Variants in AFAP1L2 observed in about 807,000 individuals in gnomAD.
The protein encoded by AFAP1L2 is actin filament associated protein 1 like 2, also known as actin filament-associated protein 1-like 2.
A neutral mutation model predicts 99.3 loss-of-function variants in AFAP1L2; 46 were observed. That is an observed-to-expected ratio of 0.46 (90% CI 0.37 to 0.59). The LOEUF (loss-of-function observed/expected upper bound fraction) is 0.59, where lower values mean the gene tolerates loss of function less well. Ranked by LOEUF, AFAP1L2 falls within the 20% of genes least tolerant of loss-of-function variation. The pLI, the probability that AFAP1L2 is intolerant of heterozygous loss-of-function variation, is 0.00. For missense variants in AFAP1L2, 959 were observed against 1,034.9 expected (o/e 0.93, Z 1.01); for synonymous variants, 397 against 419.1 (o/e 0.95, Z 0.64).
intron 1 of AFAP1L2, among the ~76,000 whole-genome samples, chr10:114,364,534 GTC>G (rs768924730): frequency 5.9e-5 from 9 of 152,126 alleles, no homozygotes; most frequent in Non-Finnish European, 1.2e-4. Context: ...CTCCCTGTAT[GTC>G]TCTGTGTCCA....
intron 6 of AFAP1L2, 90 bp downstream of exon 6, chr10:114,315,470 G>T: frequency 7.2e-7 from 1 of 1,380,340 alleles, no homozygotes; most frequent in Non-Finnish European, 1.0e-6. Context: ...AAACCTCTGA[G>T]GTCAGGGACC....
chr10:114,325,835 C>T, intron 4 of AFAP1L2: 1 of 1,246,316 alleles, frequency 8.0e-7, no homozygotes, highest in Non-Finnish European at 1.0e-6. Context: ...GCCTGTGGTC[C>T]ACTAACAACA....
In AFAP1L2 at chr10:114,295,933, G is replaced by C; in HGVS notation, c.*109C>G. On this transcript the variant is annotated 3_prime_UTR_variant, in exon 19 of 19. Coordinates refer to ENST00000304129, the MANE Select transcript of AFAP1L2 (RefSeq NM_001001936.3). ...CTCCATTCACAGTACCTCAGTCTTT[G>C]CTTTTTCTTCTAAACAGACTCACCC... is the stretch of plus-strand genomic sequence containing the variant. 6.3e-7 allele frequency: 1 copy of C among 1,599,762 alleles called. No homozygotes were observed. Among genetic ancestry groups the C allele is most frequent in the Non-Finnish European group, 8.5e-7 (1 of 1,171,662 alleles).
the AFAP1L2 span, chr10:114,281,833 C>T: frequency 1.2e-6 from 1 of 834,478 alleles, no homozygotes; most frequent in African/African-American, 1.8e-5. Flanking sequence ...AAGTGAAGAC[C>T]AGAGGAGGAA....
chr10:114,351,268 C>T (rs1009689898), intron 1 of AFAP1L2, among the ~76,000 whole-genome samples: 1 of 152,142 alleles, frequency 6.6e-6, no homozygotes, highest in African/African-American at 2.4e-5. Context: ...GGAGTTTTTA[C>T]GCAGAGAAAA....
intron 1 of AFAP1L2, among the ~76,000 whole-genome samples, chr10:114,364,463 C>T (rs530404718): frequency 1.0e-3 from 152 of 152,252 alleles, no homozygotes; most frequent in African/African-American, 3.5e-3. Context: ...CTCAACATTC[C>T]CTGGCTTGTG....
At chr10:114,389,626 A>G (rs1467230299) in intron 1 of AFAP1L2, among the ~76,000 whole-genome samples, 1 of 152,222 alleles carries the variant, frequency 6.6e-6, no homozygotes, top group Non-Finnish European at 1.5e-5. Context: ...GAGGTGACTG[A>G]AAAAATACAC....
chr10:114,282,717 G>T, the AFAP1L2 span: 1 of 685,936 alleles, frequency 1.5e-6, no homozygotes, highest in Non-Finnish European at 2.6e-6. Context: ...GGGCAGAGGA[G>T]AGTGTGCTCT....
chr10:114,312,294 C>T (rs1457181201), intron 7 of AFAP1L2, among the ~76,000 whole-genome samples: 4 of 150,378 alleles, frequency 2.7e-5, no homozygotes, highest in South Asian at 2.1e-4. Flanking sequence ...CATATACATG[C>T]GCAATGCATG....
intron 16 of AFAP1L2, among the ~76,000 whole-genome samples, 177 bp downstream of exon 16, chr10:114,299,083 C>A (rs1183380562): frequency 6.6e-6 from 1 of 152,202 alleles, no homozygotes; most frequent in African/African-American, 2.4e-5. Context: ...AGGAGAATGA[C>A]CTTTCAGACA....
intron 1 of AFAP1L2, among the ~76,000 whole-genome samples, chr10:114,352,848 G>A (rs1339254030): frequency 2.0e-5 from 3 of 152,202 alleles, no homozygotes; most frequent in Admixed American, 6.5e-5. Flanking sequence ...TGTTCCTTTC[G>A]GCAAACAGCA....
intron 1 of AFAP1L2, among the ~76,000 whole-genome samples, chr10:114,403,138 C>T (rs1167131023): frequency 6.6e-6 from 1 of 152,212 alleles, no homozygotes; most frequent in African/African-American, 2.4e-5. Flanking sequence ...GTTAGAAATG[C>T]GAGAGAAGCT....
intron 1 of AFAP1L2, among the ~76,000 whole-genome samples, chr10:114,376,916 A>G (rs961185160): frequency 6.6e-6 from 1 of 152,194 alleles, no homozygotes; most frequent in African/African-American, 2.4e-5. Context: ...CACCACCCAC[A>G]GAGCCATGAG....
chr10:114,317,142 C>CGATTTTACTAAGAAGAACATTT (rs1554893158), intron 5 of AFAP1L2, among the ~76,000 whole-genome samples: 1 of 151,416 alleles, frequency 6.6e-6, no homozygotes, highest in Non-Finnish European at 1.5e-5. Context: ...AAAATGTTGT[C>CGATTTTACTAAGAAGAACATTT]GATTTTACTA....
chr10:114,327,300 G>A (rs1050030804), intron 4 of AFAP1L2, among the ~76,000 whole-genome samples: 38 of 150,058 alleles, frequency 2.5e-4, no homozygotes, highest in African/African-American at 8.5e-4. Flanking sequence ...GAGTAGCTGC[G>A]TACCACCACG....
chr10:114,331,254 C>A (rs912526528), intron 4 of AFAP1L2, among the ~76,000 whole-genome samples: 2 of 152,188 alleles, frequency 1.3e-5, no homozygotes, highest in South Asian at 4.1e-4. Flanking sequence ...AACTCCAGAA[C>A]AATGTAGGGG....
In AFAP1L2 at chr10:114,307,882, T is replaced by C. The variant is rs1221195959; in HGVS notation, c.995A>G (p.Lys332Arg). ...GCCCAGATTCATTAGGTTGCTCAGT[T>C]TGAGGCCAGCAGAACATTTCTTCTT... ...DVKKKCSAGL[K>R]LSNLMNLGRK... Residue 332 changes from lysine (K) to arginine (R), a missense_variant, in exon 10 of 19, where the codon AAA becomes AGA. Lys to Arg is a conservative substitution (Grantham distance 26). This residue lies in a region of AFAP1L2 where 383 missense variants were observed against 472.8 expected (regional missense o/e 0.81). Coordinates refer to ENST00000304129, the MANE Select transcript of AFAP1L2 (RefSeq NM_001001936.3). 1.9e-6 allele frequency: 3 copies of C among 1,614,036 alleles called. No homozygotes were observed. The African/African-American group carries it at 4.0e-5, about 22-fold the overall frequency.
At chr10:114,289,568 G>C in the AFAP1L2 span, 1 of 1,520,268 alleles carries the variant, frequency 6.6e-7, no homozygotes, top group Admixed American at 1.7e-5. Context: ...ATCATGACGA[G>C]GATGGCAGCT....
At chr10:114,341,414 C>T (rs978295175) in intron 1 of AFAP1L2, among the ~76,000 whole-genome samples, 13 of 151,960 alleles carry the variant, frequency 8.6e-5, no homozygotes, top group African/African-American at 2.9e-4. Context: ...GAGATTGAGA[C>T]CATCCTGACC....
Sources: gnomAD v4.1 joint callset for allele counts (sites outside exome capture counted in the v4.1 genomes callset) on GRCh38, gnomAD v4.1.1 for gene constraint, gnomAD v4.1.1 regional missense constraint, MANE v1.5 for transcripts, NCBI Gene and HGNC (gene_info 2026-07-23, HGNC 2026-07-21) for gene names.